The following ACOT7 variants were observed in gnomAD, a reference collection of about 807,000 sequenced individuals.
ACOT7 encodes acyl-CoA thioesterase 7.
A neutral mutation model predicts 40.2 loss-of-function variants in ACOT7; 12 were observed. That is an observed-to-expected ratio of 0.30 (90% confidence interval 0.19 to 0.48). The LOEUF is 0.48. Among genes scored for constraint, ACOT7 ranks in the 20% least tolerant of loss-of-function variants. The pLI, the probability that ACOT7 is intolerant of heterozygous loss-of-function variation, is 0.99. For missense variants in ACOT7, 395 were observed against 530.8 expected (o/e 0.74, Z 2.51); for synonymous variants, 228 against 219.5 (o/e 1.04, Z -0.34).
At chr1:6,286,273 C>T (rs946096019) in intron 7 of ACOT7, among the ~76,000 whole-genome samples, 4 of 152,154 alleles carry the variant, frequency 2.6e-5, no homozygotes, top group African/African-American at 9.7e-5. Flanking sequence ...ACTGAGCGGG[C>T]GGATCAGTGC....
intron 1 of ACOT7, among the ~76,000 whole-genome samples, chr1:6,374,479 G>T (rs1280527441): frequency 6.6e-6 from 1 of 152,218 alleles, no homozygotes; most frequent in African/African-American, 2.4e-5. Flanking sequence ...GGGGCCTGTG[G>T]GGAGAAGCTG....
chr1:6,372,968 C>G (rs1188922539), intron 1 of ACOT7, among the ~76,000 whole-genome samples: 1 of 151,948 alleles, frequency 6.6e-6, no homozygotes, highest in Non-Finnish European at 1.5e-5. Context: ...AGGGAGCTCA[C>G]GAAAAGGGAG....
intron 1 of ACOT7, 55 bp from the exon 2 acceptor site, chr1:6,349,921 C>G: frequency 6.5e-7 from 1 of 1,548,336 alleles, no homozygotes; most frequent in Non-Finnish European, 8.9e-7. Flanking sequence ...ATTTGTGCAA[C>G]AGTGACAATC....
In ACOT7 at chr1:6,376,557, T is replaced by C. The variant is rs186308893; in HGVS notation, c.143+16700A>G. Among the ~76,000 whole-genome samples the C allele has an allele frequency of 3.0e-4, 45 of 151,560 alleles. No individual in the cohort carries two copies. In the East Asian group the frequency reaches 5.1e-3, roughly 17 times the overall value. On this transcript the variant is annotated intron_variant, in intron 1 of 8. Transcript: ENST00000361521. Reference sequence around the variant, plus strand: ...GCCTAGCCAACATGGCAAAATCCCATCTCTACAAAAAATACAAAAATTAGC... The same window carrying C: ...GCCTAGCCAACATGGCAAAATCCCACCTCTACAAAAAATACAAAAATTAGC...
intron 8 of ACOT7, among the ~76,000 whole-genome samples, chr1:6,265,463 C>T (rs925651027): frequency 6.6e-6 from 1 of 152,176 alleles, no homozygotes; most frequent in African/African-American, 2.4e-5. Context: ...ACTCAGGAGG[C>T]GGCACCTTGG....
intron 8 of ACOT7, 82 bp from the exon 9 acceptor site, chr1:6,264,777 G>GC: frequency 6.9e-7 from 1 of 1,439,984 alleles, no homozygotes; most frequent in Non-Finnish European, 9.5e-7. Flanking sequence ...CTGGGGCCCT[G>GC]CCCCCCACCC....
At chr1:6,384,941 C>T (rs1373291125) in intron 1 of ACOT7, among the ~76,000 whole-genome samples, 1 of 151,876 alleles carries the variant, frequency 6.6e-6, no homozygotes, top group Non-Finnish European at 1.5e-5. Context: ...AACTATAACC[C>T]AATAAAGCTG....
At chr1:6,326,744 G>A (rs1441639667) in intron 5 of ACOT7, among the ~76,000 whole-genome samples, 1 of 151,996 alleles carries the variant, frequency 6.6e-6, no homozygotes, top group Non-Finnish European at 1.5e-5. Flanking sequence ...TGGCCAATAT[G>A]GTGAAACCCC....
intron 6 of ACOT7, 91 bp from the exon 7 acceptor site, chr1:6,295,071 C>T (rs1571279453): frequency 1.0e-6 from 1 of 982,478 alleles, no homozygotes; most frequent in East Asian, 2.6e-5. Flanking sequence ...GAGCCCTCCC[C>T]TCCCACTAGC....
intron 5 of ACOT7, among the ~76,000 whole-genome samples, chr1:6,319,174 GT>G (rs1279379874): frequency 6.6e-6 from 1 of 152,170 alleles, no homozygotes; most frequent in Non-Finnish European, 1.5e-5. Context: ...GACATATAAC[GT>G]CCAGTCTCTA....
At chr1:6,296,266 C>T (rs545522492) in intron 6 of ACOT7, among the ~76,000 whole-genome samples, 51 of 152,252 alleles carry the variant, frequency 3.3e-4, no homozygotes, top group African/African-American at 1.2e-3. Context: ...AACAAACAAA[C>T]AAAGACTCAC....
In ACOT7 at chr1:6,306,294, G is replaced by A. The variant is rs1640155718; in HGVS notation, c.713-11314C>T. The A allele has an allele frequency of 1.0e-6, 1 of 985,282 alleles. No individual in the cohort carries two copies. The highest frequency in any genetic ancestry group is 1.2e-6 in the Non-Finnish European group (1 of 829,916). The allele number at this position is 985,282 out of a possible 1,614,324, so 61.0% of individuals were successfully genotyped here. A position where few individuals can be genotyped will look rare whatever the true frequency, so the allele number is the denominator to read the frequency against. ...CAAATACTCCATATTTCTGGAAAGG[G>A]GTCAGTGCCCCATGATTTGAGAGGG... On this transcript the variant is annotated intron_variant, in intron 6 of 8. Transcript: ENST00000361521. The surrounding 1 kb of genome is among the most constrained non-coding windows in gnomAD (Gnocchi z 4.3).
Position 6,317,520 on chromosome 1 carries a change from G to C in ACOT7, c.712+972C>G, listed in dbSNP as rs149443405. ...GGAAAAAATAAATGCAAACATTAGA[G>C]GAAAAACATTATTAACGAGTCACTG... On this transcript the variant is annotated intron_variant, in intron 6 of 8. Transcript: ENST00000361521. Among the ~76,000 whole-genome samples, 183 of 152,214 alleles carry C rather than the reference G, an allele frequency of 1.2e-3. 1 individual carries two copies. Among genetic ancestry groups the C allele is most frequent in the African/African-American group, 4.0e-3 (166 of 41,530 alleles).
intron 1 of ACOT7, among the ~76,000 whole-genome samples, chr1:6,392,969 C>T (rs1642558687): frequency 6.6e-6 from 1 of 152,110 alleles, no homozygotes; most frequent in Non-Finnish European, 1.5e-5. Context: ...CCGCCCGCCC[C>T]GTCCCTGCCT....
At chr1:6,334,043 C>T (rs1641033482) in intron 3 of ACOT7, among the ~76,000 whole-genome samples, 1 of 152,198 alleles carries the variant, frequency 6.6e-6, no homozygotes, top group Non-Finnish European at 1.5e-5. Flanking sequence ...CAGGCAACCT[C>T]CTCTTCCTGG....
At chr1:6,304,249 G>A (rs182929125) in intron 6 of ACOT7, among the ~76,000 whole-genome samples, 18 of 151,488 alleles carry the variant, frequency 1.2e-4, no homozygotes, top group Admixed American at 1.2e-3. Flanking sequence ...GTTGTCAGTG[G>A]GTATCTGCCA....
chr1:6,393,386 C>T lies in ACOT7; in HGVS notation c.14G>A (p.Gly5Glu), dbSNP rs564954387. MARP[G>E]LIHSAPGLPD... ...CAGGCCCGGCGCGGAATGAATGAGC[C>T]CGGGCCGCGCCATAAAGGGGGAGGG... Residue 5 changes from glycine to glutamate, a missense_variant, in exon 1 of 9, where the codon GGG becomes GAG. Gly to Glu is a moderately conservative substitution (Grantham distance 98, BLOSUM62 -2). Coordinates refer to ENST00000361521, the MANE Select transcript of ACOT7 (RefSeq NM_007274.4). The T allele has an allele frequency of 1.6e-6, 2 of 1,230,722 alleles. No individual in the cohort carries two copies. Among genetic ancestry groups the T allele is most frequent in the African/African-American group, 1.6e-5 (1 of 64,136 alleles). The allele number at this position is 1,230,722 out of a possible 1,614,324, so 76.2% of individuals were successfully genotyped here. A position where few individuals can be genotyped will look rare whatever the true frequency, so the allele number is the denominator to read the frequency against.
intron 5 of ACOT7, among the ~76,000 whole-genome samples, chr1:6,321,253 CT>C (rs2148423986): frequency 6.6e-6 from 1 of 152,290 alleles, no homozygotes; most frequent in South Asian, 2.1e-4. Flanking sequence ...GGGGAGGTTA[CT>C]TTAAAGTTTG....
chr1:6,277,226 T>C (rs951895870), intron 8 of ACOT7, among the ~76,000 whole-genome samples: 1 of 152,226 alleles, frequency 6.6e-6, no homozygotes, highest in African/African-American at 2.4e-5. Context: ...CTGGTCTCCC[T>C]GAACCAGCTG....
Sources: gnomAD v4.1 joint callset for allele counts (sites outside exome capture counted in the v4.1 genomes callset) on GRCh38, gnomAD v4.1.1 for gene constraint, Gnocchi (gnomAD v3.1) non-coding constraint, MANE v1.5 for transcripts, NCBI Gene and HGNC (gene_info 2026-07-23, HGNC 2026-07-21) for gene names.